CFAP61: variants seen among roughly 807,000 people sequenced by gnomAD.
CFAP61 encodes cilia and flagella associated protein 61, also known as cilia- and flagella-associated protein 61.
A neutral mutation model predicts 135.6 loss-of-function variants in CFAP61; 107 were observed. The observed-to-expected ratio is 0.79, with a 90% CI of 0.67 to 0.93. The LOEUF is 0.93. Among genes scored for constraint, CFAP61 ranks in the 40% least tolerant of loss-of-function variants. The pLI, the probability that CFAP61 is intolerant of heterozygous loss-of-function variation, is 0.00. For synonymous variants in CFAP61, 575 were observed against 578.5 expected, an observed-to-expected ratio of 0.99 and a Z score of 0.09; for missense variants, 1,507 against 1,556.2, an observed-to-expected ratio of 0.97 and a Z score of 0.53.
chr20:20,114,694 T>G (rs1323583190), intron 8 of CFAP61, among the ~76,000 whole-genome samples: 1 of 152,326 alleles, frequency 6.6e-6, no homozygotes, highest in East Asian at 1.9e-4. Context: ...TGTATTTCTC[T>G]ATATAATGTA....
intron 25 of CFAP61, among the ~76,000 whole-genome samples, chr20:20,325,708 C>G (rs575429604): frequency 2.0e-5 from 3 of 152,256 alleles, no homozygotes; most frequent in South Asian, 4.1e-4. Context: ...CATAAGTTTT[C>G]AACTCTTTTG....
chr20:20,178,669 A>C (rs2054815915), intron 13 of CFAP61, among the ~76,000 whole-genome samples: 1 of 35,924 alleles, frequency 2.8e-5, no homozygotes, highest in African/African-American at 1.2e-4. Context: ...GTTGTCCTTT[A>C]ATCGATTCTC....
At chr20:20,357,920 G>A (rs1472878007) in intron 26 of CFAP61, among the ~76,000 whole-genome samples, 12 of 140,560 alleles carry the variant, frequency 8.5e-5, no homozygotes, top group African/African-American at 2.8e-4. Flanking sequence ...ACACTGAGGG[G>A]AGGTGGTCAC....
intron 25 of CFAP61, chr20:20,322,886 G>C: frequency 1.0e-6 from 1 of 985,340 alleles, no homozygotes; most frequent in Non-Finnish European, 1.2e-6. Flanking sequence ...CACAAAATCT[G>C]TTCTTCCTTG....
At chr20:20,096,515 A>C (rs2047583160) in intron 7 of CFAP61, among the ~76,000 whole-genome samples, 1 of 152,260 alleles carries the variant, frequency 6.6e-6, no homozygotes, top group African/African-American at 2.4e-5. Context: ...CGGTCTTATA[A>C]ATAATACATT....
chr20:20,311,722 A>G (rs2056839827), intron 25 of CFAP61, among the ~76,000 whole-genome samples: 1 of 152,166 alleles, frequency 6.6e-6, no homozygotes, highest in South Asian at 2.1e-4. Context: ...GATGTGCAGA[A>G]GCCTCCCCTG....
chr20:20,252,194 T>C (rs2050983610), intron 20 of CFAP61, among the ~76,000 whole-genome samples: 1 of 151,786 alleles, frequency 6.6e-6, no homozygotes, highest in South Asian at 2.1e-4. Flanking sequence ...TCGACCCTTA[T>C]TTTATTTTGT....
chr20:20,071,162 G>A (rs988392777), intron 3 of CFAP61, among the ~76,000 whole-genome samples, 158 bp downstream of exon 3: 1 of 152,216 alleles, frequency 6.6e-6, no homozygotes, highest in Non-Finnish European at 1.5e-5. Context: ...AGGGCTGAGA[G>A]TAGTGCCAGG....
intron 17 of CFAP61, among the ~76,000 whole-genome samples, chr20:20,206,407 T>C (rs1416097901): frequency 6.6e-6 from 1 of 152,172 alleles, no homozygotes; most frequent in Non-Finnish European, 1.5e-5. Flanking sequence ...CCTGTACCCA[T>C]TGGCAGTCAC....
At chr20:20,208,989 C>T (rs1455600706) in intron 17 of CFAP61, among the ~76,000 whole-genome samples, 1 of 152,054 alleles carries the variant, frequency 6.6e-6, no homozygotes, top group African/African-American at 2.4e-5. Context: ...TGGAAGAAAT[C>T]TTCAAAAAAG....
chr20:20,220,027 A>G lies in CFAP61; in HGVS notation c.1933-8222A>G, dbSNP rs989664630. The G allele has an allele frequency of 2.0e-5, 3 of 152,208 alleles. No homozygotes were observed. The East Asian group carries it at 5.8e-4, about 29-fold the overall frequency. The allele number at this position is 152,208 out of a possible 1,614,324, so 9.4% of individuals were successfully genotyped here. ...CAACAACACCTGAGTCTGTATATTG[A>G]CAAAATGATTTTTGGAAAGTCTCTA... On this transcript the variant is annotated intron_variant, in intron 17 of 26. Coordinates refer to ENST00000245957, the MANE Select transcript of CFAP61 (RefSeq NM_015585.4).
rs1027460838 is a variant in CFAP61 at position 20,297,160 on chromosome 20, C to A, written c.3217-1021C>A. On this transcript the variant is annotated intron_variant, in intron 24 of 26. Transcript: ENST00000245957. ...CCCCAGAGGGCTTTGCCATGTGATA[C>A]CCCAACACCCACCAGTTGCCTGTAT... Among the ~76,000 whole-genome samples the A allele has an allele frequency of 1.6e-4, 25 of 152,124 alleles. 1 individual carries two copies. Among genetic ancestry groups the A allele is most frequent in the Admixed American group, 1.5e-3 (23 of 15,284 alleles).
chr20:20,346,303 G>A (rs2122404705), intron 26 of CFAP61, among the ~76,000 whole-genome samples: 1 of 150,314 alleles, frequency 6.7e-6, no homozygotes. Context: ...GATCGCCCGA[G>A]GTCAGGAGTT....
At chr20:20,143,044 A>G (rs983359618) in intron 9 of CFAP61, 96 bp downstream of exon 9, 1 of 725,336 alleles carries the variant, frequency 1.4e-6, no homozygotes, top group Non-Finnish European at 2.3e-6. Flanking sequence ...GTCACTACGG[A>G]GAAGTTCTAA....
intron 9 of CFAP61, among the ~76,000 whole-genome samples, chr20:20,147,989 A>C (rs909716949): frequency 6.6e-6 from 1 of 152,196 alleles, no homozygotes; most frequent in African/African-American, 2.4e-5. Context: ...TTTTCTCAGC[A>C]CTATTTGTTG....
chr20:20,150,455 A>T (rs1335415339), intron 9 of CFAP61, among the ~76,000 whole-genome samples: 2 of 152,194 alleles, frequency 1.3e-5, no homozygotes, highest in Admixed American at 1.3e-4. Flanking sequence ...CCAACTCAGG[A>T]CATTACAGCA....
intron 1 of CFAP61, among the ~76,000 whole-genome samples, chr20:20,055,574 C>T (rs892202467): frequency 7.2e-5 from 11 of 152,180 alleles, no homozygotes; most frequent in African/African-American, 2.7e-4. Flanking sequence ...ATTTCCCTCG[C>T]TCGCTTTCTT....
rs76878031 is a variant in CFAP61, at chr20:20,088,756, C to T, written c.567-2088C>T. Among the ~76,000 whole-genome samples, 1,157 of 152,196 alleles carry T rather than the reference C, an allele frequency of 7.6e-3. 12 individuals carry two copies. Among genetic ancestry groups the T allele is most frequent in the African/African-American group, 0.026 (1,090 of 41,522 alleles). On this transcript the variant is annotated intron_variant, in intron 6 of 26. Coordinates refer to ENST00000245957, the MANE Select transcript of CFAP61 (RefSeq NM_015585.4). ...TGTGTGTGTTTTTTCCTCCTTGTAC[C>T]GTGGTCTTGTTGGCTGGCTCCCTCC...
chr20:20,304,625 A>G (rs2056349395), intron 25 of CFAP61, among the ~76,000 whole-genome samples: 1 of 151,664 alleles, frequency 6.6e-6, no homozygotes, highest in Non-Finnish European at 1.5e-5. Context: ...AAAACCTCAC[A>G]GTGCCCCCGC....
Sources: gnomAD v4.1 joint callset for allele counts (sites outside exome capture counted in the v4.1 genomes callset) on GRCh38, gnomAD v4.1.1 for gene constraint, MANE v1.5 for transcripts, NCBI Gene and HGNC (gene_info 2026-07-23, HGNC 2026-07-21) for gene names.